SGCZ: variants seen among roughly 807,000 people sequenced by gnomAD.
SGCZ encodes the protein sarcoglycan zeta.
SGCZ carries 40 observed loss-of-function variants against 41.3 expected under a neutral mutation model. The observed-to-expected ratio is 0.97, with a 90% CI of 0.75 to 1.26. The LOEUF (loss-of-function observed/expected upper bound fraction) is 1.26. Among genes scored for constraint, SGCZ ranks in the 50% most tolerant of loss-of-function variants. SGCZ has a pLI of 0.00. For synonymous variants in SGCZ, 206 were observed against 137.5 expected (o/e 1.50, Z -3.49); for missense variants, 552 against 369.8 (o/e 1.49, Z -4.04).
chr8:14,571,312 G>A (rs1428364618), intron 1 of SGCZ, among the ~76,000 whole-genome samples: 3 of 152,204 alleles, frequency 2.0e-5, no homozygotes, highest in Non-Finnish European at 2.9e-5. Context: ...TTTGAGAAGA[G>A]ATTTGGGTGG....
chr8:14,467,619 T>C (rs937571656), intron 2 of SGCZ, among the ~76,000 whole-genome samples: 7 of 152,010 alleles, frequency 4.6e-5, no homozygotes, highest in Admixed American at 1.3e-4. Flanking sequence ...GTTCCAGAAA[T>C]TGCAAGTCTT....
At chr8:14,936,178 C>A (rs1800075683) in intron 1 of SGCZ, among the ~76,000 whole-genome samples, 1 of 151,806 alleles carries the variant, frequency 6.6e-6, no homozygotes, top group East Asian at 1.9e-4. Flanking sequence ...ATCCAATAAG[C>A]CTATACGATG....
intron 2 of SGCZ, among the ~76,000 whole-genome samples, chr8:14,427,364 A>AAAAG (rs1186388546): frequency 1.3e-5 from 2 of 152,186 alleles, no homozygotes; most frequent in Admixed American, 1.3e-4. Flanking sequence ...AAACAAACAA[A>AAAAG]AAAGAAAGAA....
chr8:14,844,087 G>C (rs1803018003), intron 1 of SGCZ, among the ~76,000 whole-genome samples: 2 of 151,420 alleles, frequency 1.3e-5, no homozygotes, highest in African/African-American at 4.9e-5. Flanking sequence ...GTTGACCCTT[G>C]GTATTCATGG....
Position 14,876,818 on chromosome 8 carries a change from G to C in SGCZ, c.40-321892C>G, listed in dbSNP as rs142152977. ...AAACAGCAAATAAGCAGAGCTACCA[G>C]ATGACATTCACTAAGTTCTGCTGTT... On this transcript the variant is annotated intron_variant, in intron 1 of 7. Transcript: ENST00000382080. 8.6e-3 allele frequency among the ~76,000 whole-genome samples: 1,306 copies of C among 152,242 alleles called. 11 individuals are homozygous for C. Among genetic ancestry groups the C allele is most frequent in the Middle Eastern group, 0.017 (5 of 294 alleles).
intron 1 of SGCZ, among the ~76,000 whole-genome samples, chr8:15,047,539 C>T (rs902074674): frequency 6.6e-5 from 10 of 151,960 alleles, no homozygotes; most frequent in African/African-American, 1.9e-4. Context: ...AAGTCTTCTA[C>T]TACAACATAA....
chr8:14,543,190 C>T (rs1258036499), intron 2 of SGCZ, among the ~76,000 whole-genome samples: 1 of 152,056 alleles, frequency 6.6e-6, no homozygotes, highest in Non-Finnish European at 1.5e-5. Context: ...TATGTAAGTA[C>T]TTCAGAATGC....
intron 3 of SGCZ, among the ~76,000 whole-genome samples, chr8:14,297,858 A>G (rs911657685): frequency 4.0e-5 from 6 of 151,000 alleles, no homozygotes; most frequent in Admixed American, 1.3e-4. Flanking sequence ...ACTCTTTCAG[A>G]AAAAAAAAGG....
At chr8:14,568,807 T>G (rs1474264878) in intron 1 of SGCZ, among the ~76,000 whole-genome samples, 7 of 152,204 alleles carry the variant, frequency 4.6e-5, no homozygotes, top group African/African-American at 1.7e-4. Context: ...ACTCCATCAT[T>G]ACATCCATGG....
intron 1 of SGCZ, among the ~76,000 whole-genome samples, chr8:14,565,821 G>C (rs181062495): frequency 6.6e-6 from 1 of 152,178 alleles, no homozygotes; most frequent in East Asian, 1.9e-4. Context: ...CCATAACACT[G>C]ATAATAAAGA....
chr8:14,422,932 G>C (rs1321366294), intron 2 of SGCZ, among the ~76,000 whole-genome samples: 4 of 152,102 alleles, frequency 2.6e-5, no homozygotes, highest in Non-Finnish European at 4.4e-5. Flanking sequence ...AGGGACTGAG[G>C]AGGGAGAATG....
At chr8:14,873,358 A>T (rs1466684258) in intron 1 of SGCZ, among the ~76,000 whole-genome samples, 2 of 152,126 alleles carry the variant, frequency 1.3e-5, no homozygotes, top group Non-Finnish European at 2.9e-5. Flanking sequence ...TTTATATTTT[A>T]TAATACATGC....
intron 1 of SGCZ, among the ~76,000 whole-genome samples, chr8:15,147,975 T>C (rs142462502): frequency 1.3e-5 from 2 of 152,204 alleles, no homozygotes; most frequent in Non-Finnish European, 2.9e-5. Context: ...TCTAGCCTCC[T>C]AAGTAGGTAA....
chr8:14,113,231 G>C (rs894053167), intron 5 of SGCZ, among the ~76,000 whole-genome samples: 13 of 151,982 alleles, frequency 8.6e-5, no homozygotes, highest in South Asian at 2.1e-4. Context: ...GAGCCCATTT[G>C]TGTGTTCAAA....
chr8:14,488,392 T>C (rs1461871), intron 2 of SGCZ, among the ~76,000 whole-genome samples: 1 of 143,018 alleles, frequency 7.0e-6, no homozygotes, highest in East Asian at 2.2e-4. Flanking sequence ...ACAATGGCCT[T>C]AACTCCCCTC....
intron 5 of SGCZ, among the ~76,000 whole-genome samples, chr8:14,109,436 C>T (rs1213695465): frequency 1.3e-5 from 2 of 152,146 alleles, no homozygotes; most frequent in South Asian, 2.1e-4. Flanking sequence ...CTTTATCACC[C>T]TCAAAATAAA....
chr8:14,653,886 T>G (rs943311593), intron 1 of SGCZ, among the ~76,000 whole-genome samples: 2 of 152,160 alleles, frequency 1.3e-5, no homozygotes, highest in South Asian at 4.1e-4. Flanking sequence ...ATCCTTTTTT[T>G]GAAAGCTCTA....
At chr8:14,459,011 G>A (rs1229643726) in intron 2 of SGCZ, among the ~76,000 whole-genome samples, 3 of 152,082 alleles carry the variant, frequency 2.0e-5, no homozygotes, top group Non-Finnish European at 4.4e-5. Flanking sequence ...TTGTCAAACT[G>A]GGCACCCTCT....
intron 2 of SGCZ, among the ~76,000 whole-genome samples, chr8:14,482,178 G>T (rs1025682611): frequency 6.6e-6 from 1 of 152,122 alleles, no homozygotes; most frequent in African/African-American, 2.4e-5. Context: ...TCCATCCCTG[G>T]TTCTAATATC....
Sources: allele counts gnomAD v4.1 joint callset (sites outside exome capture counted in the v4.1 genomes callset), GRCh38; gene constraint gnomAD v4.1.1; transcripts MANE v1.5; gene names NCBI Gene and HGNC (gene_info 2026-07-23, HGNC 2026-07-21).